AHCY: variants seen among roughly 807,000 people sequenced by gnomAD.
AHCY encodes adenosylhomocysteinase.
A neutral mutation model predicts 45.4 loss-of-function variants in AHCY; 24 were observed. The ratio of observed to expected loss-of-function variants is 0.53; its 90% CI spans 0.38 to 0.74. AHCY has a LOEUF of 0.74. Ranked by LOEUF, AHCY falls within the 30% of genes least tolerant of loss-of-function variation. AHCY has a pLI of 0.00. For missense variants in AHCY, 449 were observed against 594.1 expected, an observed-to-expected ratio of 0.76 and a Z score of 2.54; for synonymous variants, 245 against 235.1, an observed-to-expected ratio of 1.04 and a Z score of -0.39.
chr20:34,299,647 T>G (rs1359623485), intron 1 of AHCY, among the ~76,000 whole-genome samples: 1 of 152,174 alleles, frequency 6.6e-6, no homozygotes, highest in Non-Finnish European at 1.5e-5. Flanking sequence ...GCACCTCCAC[T>G]TGGATGTCCA....
chr20:34,277,417 T>C, downstream of AHCY, among the ~76,000 whole-genome samples: 1 of 151,964 alleles, frequency 6.6e-6, no homozygotes, highest in Non-Finnish European at 1.5e-5. Flanking sequence ...GTATCCTAAA[T>C]TCCCTGCTCT....
intron 1 of AHCY, among the ~76,000 whole-genome samples, chr20:34,298,068 G>A (rs2036629362): frequency 6.6e-6 from 1 of 152,198 alleles, no homozygotes; most frequent in African/African-American, 2.4e-5. Context: ...GAACCTGGGA[G>A]GCAGAGGCTG....
intron 9 of AHCY, among the ~76,000 whole-genome samples, chr20:34,283,804 G>A (rs529783870): frequency 2.6e-5 from 4 of 152,318 alleles, no homozygotes; most frequent in South Asian, 4.1e-4. Flanking sequence ...GCTGGCCCTG[G>A]AGGCAGATGC....
rs1202049914 is a variant in AHCY at position 34,311,417 on chromosome 20, T to TC, written c.-57+54dup. The TC allele has an allele frequency of 2.0e-5, 3 of 152,076 alleles. No homozygotes were observed. The East Asian group carries it at 5.8e-4, about 29-fold the overall frequency. 9.4% of individuals were successfully genotyped at this position (152,076 alleles called of 1,614,324 possible). On this transcript the variant is annotated intron_variant, in intron 1 of 9. Transcript: ENST00000538132. ...CCCAGTGGAGCTTCTGGCGGGAAGG[T>TC]CGAAACCCCAGGCAGAAGCAGGTCC... is the stretch of plus-strand genomic sequence containing the variant.
chr20:34,294,130 G>A lies in AHCY; in HGVS notation c.246C>T (p.Phe82=). 6.2e-7 allele frequency: 1 copy of A among 1,613,694 alleles called. No homozygotes were observed. The highest frequency in any genetic ancestry group is 8.5e-7 in the Non-Finnish European group (1 of 1,180,024). ...CAGCCGCCGCATGGTCCTGGGTGGA[G>A]AAGATGTTGCAGCTGGACCACTGCA... is the stretch of plus-strand genomic sequence containing the variant. ...AEVQWSSCNI[F]STQDHAAAAI... Residue 82 remains phenylalanine (F), a synonymous_variant, in exon 3 of 10, where the codon TTC becomes TTT. Coordinates refer to ENST00000217426, the MANE Select transcript of AHCY (RefSeq NM_000687.4).
chr20:34,303,193 C>T, intron 1 of AHCY, 50 bp downstream of exon 1: 3 of 1,550,368 alleles, frequency 1.9e-6, no homozygotes, highest in African/African-American at 1.4e-5. Flanking sequence ...ACGAACAAGC[C>T]CCGGGCGGGT....
chr20:34,236,265 C>T, the AHCY span, among the ~76,000 whole-genome samples: 1 of 152,126 alleles, frequency 6.6e-6, no homozygotes, highest in Non-Finnish European at 1.5e-5. Flanking sequence ...CATGGCTGGG[C>T]GCAGTGGCTC....
chr20:34,266,344 C>T, the AHCY span, among the ~76,000 whole-genome samples: 4 of 147,930 alleles, frequency 2.7e-5, no homozygotes, highest in Admixed American at 6.9e-5. Context: ...AGCGAGACTC[C>T]GTCTCAAAAA....
At chr20:34,287,077 G>C (rs1004521219) in intron 8 of AHCY, among the ~76,000 whole-genome samples, 82 of 152,186 alleles carry the variant, frequency 5.4e-4, no homozygotes, top group Non-Finnish European at 9.7e-4. Context: ...TCCACCCTCA[G>C]GCAGCCTCCC....
chr20:34,245,610 C>T, the AHCY span, among the ~76,000 whole-genome samples: 1 of 151,662 alleles, frequency 6.6e-6, no homozygotes, highest in African/African-American at 2.4e-5. Context: ...AGGCTGGTCT[C>T]GAACTCCTGA....
chr20:34,294,023 A>G, intron 3 of AHCY, 58 bp downstream of exon 3: 1 of 1,548,150 alleles, frequency 6.5e-7, no homozygotes, highest in Non-Finnish European at 8.9e-7. Context: ...CAGTCAGTGA[A>G]GCAAAGAGGG....
At chr20:34,254,578 T>C in the AHCY span, among the ~76,000 whole-genome samples, 1 of 152,208 alleles carries the variant, frequency 6.6e-6, no homozygotes, top group Admixed American at 6.5e-5. Context: ...CCCGAATTGA[T>C]GTGAATCAAT....
chr20:34,293,744 T>G (rs2036479841), intron 3 of AHCY: 2 of 397,128 alleles, frequency 5.0e-6, no homozygotes, highest in Non-Finnish European at 9.5e-6. Flanking sequence ...AGTGAACCTC[T>G]TTTTCTGCCC....
chr20:34,310,549 A>G (rs1248136344), intron 1 of AHCY, among the ~76,000 whole-genome samples: 1 of 152,230 alleles, frequency 6.6e-6, no homozygotes, highest in Non-Finnish European at 1.5e-5. Flanking sequence ...CCTTTGACCA[A>G]GCAGTTCCAC....
chr20:34,268,998 C>T, the AHCY span: 1 of 1,605,656 alleles, frequency 6.2e-7, no homozygotes, highest in Middle Eastern at 1.7e-4. Context: ...CAGAAGGAGG[C>T]TTCGATGAAG....
the AHCY span, among the ~76,000 whole-genome samples, chr20:34,242,215 A>T: frequency 1.3e-5 from 2 of 151,090 alleles, no homozygotes; most frequent in African/African-American, 2.4e-5. Context: ...TTATTTTATT[A>T]TTTTTATTTT....
chr20:34,253,230 C>T, the AHCY span, among the ~76,000 whole-genome samples: 3 of 151,636 alleles, frequency 2.0e-5, no homozygotes, highest in Non-Finnish European at 4.4e-5. Flanking sequence ...CTCAGCCTCC[C>T]GAGTAGCTGG....
rs1167992629 is a variant in AHCY at position 34,281,024 on chromosome 20, G to A, written c.*10C>T. 6.2e-7 allele frequency: 1 copy of A among 1,614,100 alleles called. No homozygotes were observed. Among genetic ancestry groups the A allele is most frequent in the Admixed American group, 1.7e-5 (1 of 60,006 alleles). Reference sequence around the variant, plus strand: ...GACAGCAGCTGGAGGGTGAAACGCAGACCTGGCTCTCAGTAGCGGTAGTGA... The same window carrying A: ...GACAGCAGCTGGAGGGTGAAACGCAAACCTGGCTCTCAGTAGCGGTAGTGA... On this transcript the variant is annotated 3_prime_UTR_variant, in exon 10 of 10. Coordinates refer to ENST00000217426, the MANE Select transcript of AHCY (RefSeq NM_000687.4).
chr20:34,232,752 C>A, the AHCY span, among the ~76,000 whole-genome samples: 1 of 152,168 alleles, frequency 6.6e-6, no homozygotes, highest in South Asian at 2.1e-4. Context: ...GTATGTCCAC[C>A]TTTGACAGCA....
Sources: allele counts gnomAD v4.1 joint callset (sites outside exome capture counted in the v4.1 genomes callset), GRCh38; gene constraint gnomAD v4.1.1; transcripts MANE v1.5; gene names NCBI Gene and HGNC (gene_info 2026-07-23, HGNC 2026-07-21).